The following HNRNPL variants were observed in gnomAD, a reference collection of about 807,000 sequenced individuals.
HNRNPL encodes heterogeneous nuclear ribonucleoprotein L, also known as epididymis secretory sperm binding protein.
In HNRNPL, 12 loss-of-function variants were observed where a neutral mutation model predicts 64.0. The observed-to-expected ratio is 0.19, with a 90% CI of 0.12 to 0.30. The LOEUF is 0.30. Ranked by LOEUF, HNRNPL falls within the 10% of genes least tolerant of loss-of-function variation. The pLI is 1.00. For missense variants in HNRNPL, 484 were observed against 797.4 expected (o/e 0.61, Z 4.73); for synonymous variants, 385 against 313.0 (o/e 1.23, Z -2.43).
intron 6 of HNRNPL, 86 bp from the exon 7 acceptor site, chr19:38,840,645 C>T: frequency 9.2e-7 from 1 of 1,092,836 alleles, no homozygotes; most frequent in Non-Finnish European, 1.4e-6. Context: ...ATCTGAGCCC[C>T]CAGCTCCTGC....
Position 38,849,466 on chromosome 19 carries a change from C to A in HNRNPL, c.267+234G>T, listed in dbSNP as rs1404892136. 13 of 484,800 alleles carry A rather than the reference C, an allele frequency of 2.7e-5. No homozygotes were observed. In the East Asian group the frequency reaches 4.4e-4, roughly 17 times the overall value. 30.0% of individuals were successfully genotyped at this position (484,800 alleles called of 1,614,324 possible). On this transcript the variant is annotated intron_variant, in intron 1 of 12. Coordinates refer to ENST00000221419, the MANE Select transcript of HNRNPL (RefSeq NM_001533.3). ...CCTGCGCACTGGGCCATTCGCCTCA[C>A]GAGCTACTTCCTCTGCGCTCCCCCA... is the stretch of plus-strand genomic sequence containing the variant.
At chr19:38,850,861 C>A (rs1270091711), upstream of HNRNPL, among the ~76,000 whole-genome samples, 5 of 152,236 alleles carry the variant, frequency 3.3e-5, no homozygotes. Context: ...CAGCCGCAAC[C>A]CCTTTCAGTT....
intron 2 of HNRNPL, 52 bp from the exon 3 acceptor site, chr19:38,846,142 G>A (rs906912375): frequency 3.7e-6 from 5 of 1,350,280 alleles, no homozygotes; most frequent in Admixed American, 1.7e-5. Flanking sequence ...TAGACAGGAG[G>A]AGGGTATCAT....
chr19:38,849,962 G>T lies in HNRNPL; in HGVS notation c.5C>A (p.Ser2Ter). The change falls in exon 1 of 13, where the codon TCG (serine) becomes TAG (stop). Residue 2 changes from serine to a stop codon, truncating the protein, a stop_gained. Coordinates refer to ENST00000221419, the MANE Select transcript of HNRNPL (RefSeq NM_001533.3). LOFTEE classifies it high-confidence loss of function. M[S>*]RRLLPRAEKR... ...CTCCGCCCGGGGCAGCAGCCTCCGC[G>T]ACATGGCGGCGCAGAACCCGCCTCC... The T allele has an allele frequency of 7.5e-7, 1 of 1,337,006 alleles. No homozygotes were observed. Among genetic ancestry groups the T allele is most frequent in the Non-Finnish European group, 9.6e-7 (1 of 1,039,238 alleles). 82.8% of individuals were successfully genotyped at this position (1,337,006 alleles called of 1,614,324 possible).
Position 38,838,377 on chromosome 19 carries a change from C to T in HNRNPL, c.1557+20G>A, listed in dbSNP as rs368143801. On this transcript the variant is annotated intron_variant, in intron 10 of 12. Coordinates refer to ENST00000221419, the MANE Select transcript of HNRNPL (RefSeq NM_001533.3). The stretch of plus-strand genomic sequence containing the variant: ...GCCGTGGCAAGGACCCGACTGCCTG[C>T]GCAGCTCCACGGCACACACCTCAAA... 2.5e-5 allele frequency: 40 copies of T among 1,595,868 alleles called. No individual in the cohort carries two copies. Among genetic ancestry groups the T allele is most frequent in the African/African-American group, 5.4e-5 (4 of 74,612 alleles).
At chr19:38,850,569 T>C (rs1002694155), upstream of HNRNPL, among the ~76,000 whole-genome samples, 2 of 152,154 alleles carry the variant, frequency 1.3e-5, no homozygotes, top group Non-Finnish European at 2.9e-5. Context: ...TAGGCGCTCT[T>C]TGGTGCAGTA....
intron 6 of HNRNPL, chr19:38,842,453 T>C (rs1198485410): frequency 6.6e-6 from 1 of 152,398 alleles, no homozygotes; most frequent in Non-Finnish European, 1.5e-5. Flanking sequence ...AAAAGCAGTG[T>C]CTGCTGCCAT....
At chr19:38,839,543 C>T (rs1332937488) in intron 8 of HNRNPL, 1 of 172,106 alleles carries the variant, frequency 5.8e-6, no homozygotes, top group Admixed American at 5.5e-5. Context: ...CAGGTCACTA[C>T]ATGTAAAGCA....
intron 6 of HNRNPL, chr19:38,841,567 T>C (rs867704642): frequency 3.7e-6 from 3 of 806,264 alleles, no homozygotes; most frequent in Non-Finnish European, 5.5e-6. Flanking sequence ...AAGTACAGAG[T>C]ACAATGTCCA....
chr19:38,847,476 C>T, intron 1 of HNRNPL, 42 bp from the exon 2 acceptor site: 1 of 1,256,770 alleles, frequency 8.0e-7, no homozygotes, highest in Non-Finnish European at 1.1e-6. Flanking sequence ...TCTTGCTGTA[C>T]AAGATGACGC....
At chr19:38,847,010 C>T (rs1466098262) in intron 2 of HNRNPL, among the ~76,000 whole-genome samples, 1 of 152,006 alleles carries the variant, frequency 6.6e-6, no homozygotes, top group Non-Finnish European at 1.5e-5. Flanking sequence ...AGAAGGACTG[C>T]CTGAGCCTGG....
chr19:38,852,074 G>A (rs1331108409), upstream of HNRNPL, among the ~76,000 whole-genome samples: 2 of 130,128 alleles, frequency 1.5e-5, no homozygotes, highest in East Asian at 5.4e-4. Context: ...CGGCCGGCCC[G>A]GACGCCCCTC....
intron 8 of HNRNPL, 76 bp downstream of exon 8, chr19:38,840,020 C>T: frequency 7.1e-7 from 1 of 1,411,682 alleles, no homozygotes; most frequent in Non-Finnish European, 1.0e-6. Context: ...ACCAGGCTCC[C>T]CCCTGGTTCT....
Position 38,846,081 on chromosome 19 carries a change from C to T in HNRNPL, c.396G>A (p.Val132=), listed in dbSNP as rs1231800406. ...GTGCTTGTCTCTTTTTAGGCATTAC[C>T]ACCACATAGCTGGCAGAGAGAACAC... ...LQEFGPISYV[V]VMPKKRQALV... Residue 132 remains valine (V), a synonymous_variant, in exon 3 of 13, where the codon GTG becomes GTA. Coordinates refer to ENST00000221419, the MANE Select transcript of HNRNPL (RefSeq NM_001533.3). 2.5e-6 allele frequency: 4 copies of T among 1,610,412 alleles called. No individual in the cohort carries two copies. The highest frequency in any genetic ancestry group is 3.4e-6 in the Non-Finnish European group (4 of 1,176,664).
At chr19:38,842,697 T>C (rs892071693) in intron 6 of HNRNPL, among the ~76,000 whole-genome samples, 11 of 152,084 alleles carry the variant, frequency 7.2e-5, no homozygotes, top group African/African-American at 2.7e-4. Context: ...TCCTGAGGGG[T>C]GGCGAAGCAC....
intron 8 of HNRNPL, 22 bp downstream of exon 8, chr19:38,840,074 A>C (rs62119016): frequency 0.057 from 92,490 of 1,611,952 alleles, 3,017 homozygotes; most frequent in Non-Finnish European, 0.064. Context: ...CGAGGAACCC[A>C]GGGGGCCCGG....
chr19:38,841,879 T>A (rs972437408), intron 6 of HNRNPL: 9 of 371,882 alleles, frequency 2.4e-5, no homozygotes, highest in Admixed American at 3.4e-5. Flanking sequence ...TGTCACCTCC[T>A]CACATATGTG....
At chr19:38,850,818 C>T (rs1972485484), upstream of HNRNPL, among the ~76,000 whole-genome samples, 1 of 152,222 alleles carries the variant, frequency 6.6e-6, no homozygotes, top group Non-Finnish European at 1.5e-5. Context: ...TCGCTGCTGC[C>T]GACTGTCTTC....
Position 38,849,701 on chromosome 19 carries a change from C to G in HNRNPL, c.266G>C (p.Gly89Ala). 2 of 1,359,106 alleles carry G rather than the reference C, an allele frequency of 1.5e-6. No homozygotes were observed. The highest frequency in any genetic ancestry group is 1.9e-6 in the Non-Finnish European group (2 of 1,065,906). 84.2% of individuals were successfully genotyped at this position (1,359,106 alleles called of 1,614,324 possible). Residue 89 changes from glycine (G) to alanine (A), a missense_variant and splice_region_variant, in exon 1 of 13, where the codon GGG becomes GCG. Gly to Ala is a moderately conservative substitution (Grantham distance 60, BLOSUM62 0). This residue lies in a region of HNRNPL where 190 missense variants were observed against 160.1 expected (regional missense o/e 1.19). Transcript: ENST00000221419. ...CAGCGCCTAGGGCCCTGGCCTCACC[C>G]CACCGCCGCCGCCGCCCGCCGCCCC... ...GAGAAGGGGG[G>A]ENYDDPHKTP...
Sources: gnomAD v4.1 joint callset for allele counts (sites outside exome capture counted in the v4.1 genomes callset) on GRCh38, gnomAD v4.1.1 for gene constraint, gnomAD v4.1.1 regional missense constraint, MANE v1.5 for transcripts, NCBI Gene and HGNC (gene_info 2026-07-23, HGNC 2026-07-21) for gene names.